The following BAIAP2 variants were observed in gnomAD, a reference collection of about 807,000 sequenced individuals.
BAIAP2 encodes BAR/IMD domain-containing adapter protein 2.
BAIAP2 carries 18 observed loss-of-function variants against 63.0 expected under a neutral mutation model. The observed-to-expected ratio is 0.29, with a 90% CI of 0.20 to 0.42. The LOEUF is 0.42. Ranked by LOEUF, BAIAP2 falls within the 10% of genes least tolerant of loss-of-function variation. The pLI is 1.00. For synonymous variants in BAIAP2, 386 were observed against 307.6 expected, an observed-to-expected ratio of 1.25 and a Z score of -2.67; for missense variants, 610 against 734.3, an observed-to-expected ratio of 0.83 and a Z score of 1.96.
At chr17:81,082,168 G>A (rs1353916951) in intron 3 of BAIAP2, among the ~76,000 whole-genome samples, 2 of 152,104 alleles carry the variant, frequency 1.3e-5, no homozygotes, top group African/African-American at 4.8e-5. Context: ...CATCCAGGGC[G>A]GCTGTGAGAG....
At chr17:81,107,303 G>C (rs1283623884) in intron 12 of BAIAP2, 1 of 192,688 alleles carries the variant, frequency 5.2e-6, no homozygotes, top group South Asian at 1.4e-4. Context: ...GAACCACGGG[G>C]CTCCCTCAGT....
intron 1 of BAIAP2, among the ~76,000 whole-genome samples, chr17:81,037,741 C>G (rs2046476178): frequency 6.6e-6 from 1 of 152,236 alleles, no homozygotes; most frequent in Non-Finnish European, 1.5e-5. Flanking sequence ...TTAGTGTCAC[C>G]CGCGATGCGG....
chr17:81,062,364 A>G (rs1030056727), intron 3 of BAIAP2, among the ~76,000 whole-genome samples: 1 of 147,340 alleles, frequency 6.8e-6, no homozygotes, highest in Non-Finnish European at 1.5e-5. Context: ...GATTTTTGTT[A>G]TTATGACTCT....
At chr17:81,083,122 C>T (rs116994742) in intron 3 of BAIAP2, 3,993 of 152,408 alleles carry the variant, frequency 0.026, 71 homozygotes, top group Non-Finnish European at 0.041. Flanking sequence ...CCAGCCCAGC[C>T]GTGGTCCTGG....
intron 2 of BAIAP2, among the ~76,000 whole-genome samples, chr17:81,055,195 C>T (rs1486580284): frequency 2.6e-5 from 4 of 152,192 alleles, no homozygotes; most frequent in Non-Finnish European, 5.9e-5. Context: ...AGCCCTCGTT[C>T]CTTTTTTACC....
At chr17:81,042,111 T>G (rs1437644406) in intron 1 of BAIAP2, among the ~76,000 whole-genome samples, 2 of 151,184 alleles carry the variant, frequency 1.3e-5, no homozygotes, top group African/African-American at 2.4e-5. Context: ...CCATTTTTGT[T>G]ACTGGCACTT....
intron 3 of BAIAP2, among the ~76,000 whole-genome samples, chr17:81,071,125 C>A (rs924478479): frequency 1.3e-5 from 2 of 151,016 alleles, no homozygotes; most frequent in African/African-American, 4.9e-5. Context: ...CCATTGGTTA[C>A]CCGCTGGCCA....
At chr17:81,054,597 T>G (rs2049164221) in intron 2 of BAIAP2, among the ~76,000 whole-genome samples, 1 of 152,128 alleles carries the variant, frequency 6.6e-6, no homozygotes, top group Non-Finnish European at 1.5e-5. Context: ...GTAGAAACTG[T>G]GGGATCAGGG....
chr17:81,103,192 T>C (rs1184330790), intron 7 of BAIAP2, among the ~76,000 whole-genome samples: 2 of 152,162 alleles, frequency 1.3e-5, no homozygotes, highest in Non-Finnish European at 2.9e-5. Context: ...AGTTTGACCT[T>C]GTGCGTCCCT....
chr17:81,077,225 A>G (rs1056282847), intron 3 of BAIAP2, among the ~76,000 whole-genome samples: 1 of 152,132 alleles, frequency 6.6e-6, no homozygotes, highest in East Asian at 1.9e-4. Flanking sequence ...TGAGCGCATG[A>G]TGCTGACGAT....
chr17:81,035,218 C>G lies in BAIAP2; in HGVS notation c.-37C>G. On this transcript the variant is annotated 5_prime_UTR_variant, in exon 1 of 14. Transcript: ENST00000428708. Reference sequence around the variant, plus strand: ...GCCGCTGCTGCCGCCGCTTGCGTCCCCCGCTCCGGTCTGTGGTGCAGCCGG... The same window carrying G: ...GCCGCTGCTGCCGCCGCTTGCGTCCGCCGCTCCGGTCTGTGGTGCAGCCGG... 6.8e-7 allele frequency: 1 copy of G among 1,466,894 alleles called. No individual in the cohort carries two copies. The highest frequency in any genetic ancestry group is 9.1e-7 in the Non-Finnish European group (1 of 1,099,922). 90.9% of individuals were successfully genotyped at this position (1,466,894 alleles called of 1,614,324 possible). A position where few individuals can be genotyped will look rare whatever the true frequency, so the allele number is the denominator to read the frequency against.
chr17:81,085,749 G>T (rs759320000), intron 5 of BAIAP2, 24 bp downstream of exon 5: 16 of 1,599,296 alleles, frequency 1.0e-5, no homozygotes, highest in Non-Finnish European at 1.0e-5. Context: ...GGCCGTGCCT[G>T]CTGGGCCCTG....
intron 6 of BAIAP2, among the ~76,000 whole-genome samples, chr17:81,090,976 T>C (rs2056632649): frequency 6.6e-6 from 1 of 152,180 alleles, no homozygotes; most frequent in Admixed American, 6.5e-5. Flanking sequence ...GGAAGCACCC[T>C]GGGCTGGGGA....
intron 3 of BAIAP2, among the ~76,000 whole-genome samples, chr17:81,079,707 G>T (rs1313771105): frequency 6.6e-6 from 1 of 152,218 alleles, no homozygotes; most frequent in Admixed American, 6.5e-5. Context: ...TGATGGCGAC[G>T]GCTCTGCCGG....
At chr17:81,090,482 G>A (rs953287398) in intron 6 of BAIAP2, among the ~76,000 whole-genome samples, 4 of 152,230 alleles carry the variant, frequency 2.6e-5, no homozygotes, top group Admixed American at 2.6e-4. Context: ...TTCAGGAAGG[G>A]CTAGGTCTCA....
At chr17:81,065,727 G>A (rs557278112) in intron 3 of BAIAP2, among the ~76,000 whole-genome samples, 1 of 152,366 alleles carries the variant, frequency 6.6e-6, no homozygotes, top group African/African-American at 2.4e-5. Context: ...AGAGGCAGAT[G>A]GGAGGAGCAG....
At chr17:81,107,063 T>TAC in intron 12 of BAIAP2, 156 bp downstream of exon 12, 1 of 904,964 alleles carries the variant, frequency 1.1e-6, no homozygotes, top group Non-Finnish European at 1.6e-6. Context: ...TGGGAATGTG[T>TAC]ACACACCCCT....
chr17:81,068,711 C>T (rs565962277), intron 3 of BAIAP2, among the ~76,000 whole-genome samples: 3 of 152,292 alleles, frequency 2.0e-5, no homozygotes, highest in South Asian at 4.1e-4. Context: ...AAGGCCACCT[C>T]GGTGGCTCCT....
At chr17:81,111,347 C>G (rs2059907124) in intron 13 of BAIAP2, among the ~76,000 whole-genome samples, 1 of 152,252 alleles carries the variant, frequency 6.6e-6, no homozygotes, top group African/African-American at 2.4e-5. Flanking sequence ...CCAGCTTGGG[C>G]TCCTTCGGGT....
Sources: allele counts gnomAD v4.1 joint callset (sites outside exome capture counted in the v4.1 genomes callset), GRCh38; gene constraint gnomAD v4.1.1; transcripts MANE v1.5; gene names NCBI Gene and HGNC (gene_info 2026-07-23, HGNC 2026-07-21).